Variants in RAB31 observed in about 807,000 individuals in gnomAD.
The protein encoded by RAB31 is ras-related protein Rab-31.
RAB31 carries 21 observed loss-of-function variants against 25.6 expected under a neutral mutation model. The observed-to-expected ratio is 0.82, with a 90% CI of 0.58 to 1.18. The LOEUF is 1.18. RAB31 is among the 50% of genes most tolerant of loss of function. The pLI, the probability that RAB31 is intolerant of heterozygous loss-of-function variation, is 0.00. For missense variants in RAB31, 196 were observed against 250.1 expected, an observed-to-expected ratio of 0.78 and a Z score of 1.46; for synonymous variants, 87 against 84.0, an observed-to-expected ratio of 1.04 and a Z score of -0.20.
chr18:9,776,695 A>T (rs1273071915), intron 2 of RAB31, among the ~76,000 whole-genome samples: 1 of 152,152 alleles, frequency 6.6e-6, no homozygotes, highest in African/African-American at 2.4e-5. Flanking sequence ...CAATAGCCAG[A>T]GTATTCACAA....
intron 1 of RAB31, among the ~76,000 whole-genome samples, chr18:9,740,579 G>A (rs2068173090): frequency 6.6e-6 from 1 of 152,088 alleles, no homozygotes; most frequent in Non-Finnish European, 1.5e-5. Flanking sequence ...TGGGCGTGGT[G>A]GCGCACACCT....
At chr18:9,838,242 G>A (rs984809743) in intron 5 of RAB31, among the ~76,000 whole-genome samples, 7 of 152,124 alleles carry the variant, frequency 4.6e-5, no homozygotes, top group Non-Finnish European at 1.0e-4. Flanking sequence ...GGAGACGATC[G>A]CTTTCTTTCT....
chr18:9,803,372 A>G (rs2068523752), intron 3 of RAB31, among the ~76,000 whole-genome samples: 1 of 151,652 alleles, frequency 6.6e-6, no homozygotes, highest in Non-Finnish European at 1.5e-5. Context: ...AGTAGCTGGG[A>G]CTATAGGCAC....
intron 1 of RAB31, among the ~76,000 whole-genome samples, chr18:9,770,708 C>T (rs910146259): frequency 3.3e-5 from 5 of 152,096 alleles, no homozygotes; most frequent in African/African-American, 9.7e-5. Context: ...AATGTCTCCC[C>T]GGCAGTCAAT....
chr18:9,837,495 T>C (rs2068711629), intron 5 of RAB31, among the ~76,000 whole-genome samples: 1 of 152,122 alleles, frequency 6.6e-6, no homozygotes, highest in Non-Finnish European at 1.5e-5. Flanking sequence ...AACTTCTGAG[T>C]GGCATAAATG....
In RAB31 at chr18:9,792,032, T is replaced by C; in HGVS notation, c.120-122T>C. Reference sequence around the variant, plus strand: ...TCTTCTAGCCCTTTTCTCGTCTTAGTGGTTCCCAAGGACCAGGGCTTTTTG... The same window carrying C: ...TCTTCTAGCCCTTTTCTCGTCTTAGCGGTTCCCAAGGACCAGGGCTTTTTG... On this transcript the variant is annotated intron_variant, in intron 2 of 6. Coordinates refer to ENST00000578921, the MANE Select transcript of RAB31 (RefSeq NM_006868.4). 5 of 1,347,430 alleles carry C rather than the reference T, an allele frequency of 3.7e-6. No individual in the cohort carries two copies. The African/African-American group carries it at 7.3e-5, about 20-fold the overall frequency. 83.5% of individuals were successfully genotyped at this position (1,347,430 alleles called of 1,614,324 possible). A position where few individuals can be genotyped will look rare whatever the true frequency, so the allele number is the denominator to read the frequency against.
intron 1 of RAB31, chr18:9,735,593 C>A: frequency 5.5e-6 from 1 of 181,448 alleles, no homozygotes; most frequent in South Asian, 1.1e-4. Context: ...CTTCCTCAGT[C>A]TGGATGGCAT....
At chr18:9,736,152 A>AT (rs1006820037) in intron 1 of RAB31, among the ~76,000 whole-genome samples, 1 of 151,934 alleles carries the variant, frequency 6.6e-6, no homozygotes, top group Non-Finnish European at 1.5e-5. Flanking sequence ...TTCATTAAAA[A>AT]TTTTTTTTAG....
intron 3 of RAB31, among the ~76,000 whole-genome samples, chr18:9,798,258 C>T (rs2068496189): frequency 6.6e-6 from 1 of 152,186 alleles, no homozygotes; most frequent in Non-Finnish European, 1.5e-5. Flanking sequence ...ATCTCCCCAG[C>T]CCTCGACGGC....
intron 3 of RAB31, among the ~76,000 whole-genome samples, chr18:9,809,117 T>C (rs1412370588): frequency 6.6e-6 from 1 of 152,214 alleles, no homozygotes; most frequent in African/African-American, 2.4e-5. Context: ...ACAAGTGTAG[T>C]GCACACTACA....
intron 3 of RAB31, among the ~76,000 whole-genome samples, chr18:9,806,413 A>G (rs1206919298): frequency 1.3e-5 from 2 of 151,924 alleles, no homozygotes; most frequent in African/African-American, 2.4e-5. Flanking sequence ...GGTGTGACAG[A>G]AGTGAGGGAG....
At chr18:9,777,953 C>T (rs1032440109) in intron 2 of RAB31, among the ~76,000 whole-genome samples, 2 of 151,948 alleles carry the variant, frequency 1.3e-5, no homozygotes, top group African/African-American at 4.8e-5. Flanking sequence ...TGGGGTTTCA[C>T]CATGTTGGCC....
At chr18:9,806,491 C>T (rs968875354) in intron 3 of RAB31, among the ~76,000 whole-genome samples, 1 of 150,844 alleles carries the variant, frequency 6.6e-6, no homozygotes, top group East Asian at 2.0e-4. Context: ...TGCGGAGGCT[C>T]GGTGGGCCTG....
At chr18:9,757,084 C>T (rs1431317152) in intron 1 of RAB31, among the ~76,000 whole-genome samples, 1 of 152,144 alleles carries the variant, frequency 6.6e-6, no homozygotes, top group African/African-American at 2.4e-5. Flanking sequence ...TATGAGTTGG[C>T]GTTCAGTCAG....
intron 1 of RAB31, among the ~76,000 whole-genome samples, chr18:9,726,465 GAC>G (rs1386640393): frequency 6.6e-6 from 1 of 152,172 alleles, no homozygotes; most frequent in Non-Finnish European, 1.5e-5. Flanking sequence ...GCAAAATACT[GAC>G]AGTTTGCGTA....
At chr18:9,792,843 G>T (rs1320915238) in intron 3 of RAB31, among the ~76,000 whole-genome samples, 3 of 152,172 alleles carry the variant, frequency 2.0e-5, no homozygotes, top group South Asian at 2.1e-4. Flanking sequence ...AGGAAGTCAG[G>T]TAGGCTTAGC....
At chr18:9,818,518 T>C (rs532341014) in intron 5 of RAB31, among the ~76,000 whole-genome samples, 4 of 152,364 alleles carry the variant, frequency 2.6e-5, no homozygotes, top group African/African-American at 9.6e-5. Context: ...ATGTCAGTGA[T>C]GCATTCATTT....
At chr18:9,722,721 C>T (rs978933637) in intron 1 of RAB31, 1 of 152,184 alleles carries the variant, frequency 6.6e-6, no homozygotes, top group Non-Finnish European at 1.5e-5. Context: ...AAACCCTGCT[C>T]TAACCACTGT....
At chr18:9,714,802 G>A (rs1404863110) in intron 1 of RAB31, among the ~76,000 whole-genome samples, 3 of 152,178 alleles carry the variant, frequency 2.0e-5, no homozygotes, top group Non-Finnish European at 4.4e-5. Flanking sequence ...CCAAAGACAC[G>A]AACACACCAG....
Sources: gnomAD v4.1 joint callset for allele counts (sites outside exome capture counted in the v4.1 genomes callset) on GRCh38, gnomAD v4.1.1 for gene constraint, MANE v1.5 for transcripts, NCBI Gene and HGNC (gene_info 2026-07-23, HGNC 2026-07-21) for gene names.